Variants in CFAP54 observed in about 807,000 individuals in gnomAD.
CFAP54 encodes the protein cilia- and flagella-associated protein 54.
A neutral mutation model predicts 370.4 loss-of-function variants in CFAP54; 290 were observed. The ratio of observed to expected loss-of-function variants is 0.78; its 90% CI spans 0.71 to 0.86. The LOEUF (loss-of-function observed/expected upper bound fraction) is 0.86. Ranked by LOEUF, CFAP54 falls within the 40% of genes least tolerant of loss-of-function variation. The probability of loss-of-function intolerance (pLI) is 0.00; values close to 1 mark genes in which losing one functional copy is unlikely to be tolerated. For missense variants in CFAP54, 3,399 were observed against 3,528.7 expected, an observed-to-expected ratio of 0.96 and a Z score of 0.93; for synonymous variants, 1,206 against 1,236.5, an observed-to-expected ratio of 0.98 and a Z score of 0.52.
intron 63 of CFAP54, among the ~76,000 whole-genome samples, chr12:96,807,456 A>G (rs1958893587): frequency 6.6e-6 from 1 of 152,248 alleles, no homozygotes; most frequent in Admixed American, 6.5e-5. Flanking sequence ...TCTTTCACTT[A>G]TTCCTGGGCT....
At chr12:96,587,770 G>A (rs1956087771) in intron 22 of CFAP54, among the ~76,000 whole-genome samples, 1 of 152,078 alleles carries the variant, frequency 6.6e-6, no homozygotes. Flanking sequence ...TGCTTTCCAT[G>A]ATAAACCTTA....
intron 33 of CFAP54, among the ~76,000 whole-genome samples, chr12:96,644,830 G>T (rs771336691): frequency 8.5e-5 from 13 of 152,192 alleles, no homozygotes; most frequent in Non-Finnish European, 4.4e-5. Flanking sequence ...CCCTTGACAC[G>T]TGGGGATTAT....
chr12:96,688,804 T>C (rs1957356076), intron 42 of CFAP54, 112 bp from the exon 43 acceptor site: 1 of 556,396 alleles, frequency 1.8e-6, no homozygotes, highest in Admixed American at 3.6e-5. Context: ...TATTTATATG[T>C]ATGCATTTTT....
At chr12:96,617,645 C>T (rs1296538265) in intron 26 of CFAP54, among the ~76,000 whole-genome samples, 2 of 152,152 alleles carry the variant, frequency 1.3e-5, no homozygotes, top group Admixed American at 6.5e-5. Flanking sequence ...CACATTAATT[C>T]GTGTTGTGCT....
At position 96,688,359 on chromosome 12, in the gene CFAP54, C is replaced by T. The variant is rs144442847; in HGVS notation, c.6015-557C>T. Among the ~76,000 whole-genome samples the T allele has an allele frequency of 2.1e-3, 324 of 152,224 alleles. 1 individual carries two copies. The highest frequency in any genetic ancestry group is 7.2e-3 in the African/African-American group (298 of 41,522). On this transcript the variant is annotated intron_variant, in intron 42 of 67. Transcript: ENST00000524981. ...CAGTCTTTAGGGGGAATTATTTAAC[C>T]GCACTCATCAAAAGCCTTTACTGTG...
At chr12:96,593,504 C>T (rs1455865673) in intron 24 of CFAP54, among the ~76,000 whole-genome samples, 2 of 152,142 alleles carry the variant, frequency 1.3e-5, no homozygotes, top group East Asian at 3.8e-4. Flanking sequence ...GTACTCACAA[C>T]CATCTCAACC....
intron 50 of CFAP54, among the ~76,000 whole-genome samples, chr12:96,729,410 T>G (rs1327302451): frequency 2.6e-5 from 4 of 152,230 alleles, no homozygotes; most frequent in African/African-American, 7.2e-5. Flanking sequence ...CAGCCTCGCT[T>G]CTGCCTTGCA....
At chr12:96,865,813 T>C (rs1419733494) in intron 67 of CFAP54, among the ~76,000 whole-genome samples, 1 of 152,136 alleles carries the variant, frequency 6.6e-6, no homozygotes, top group Admixed American at 6.5e-5. Flanking sequence ...AGTTCACATC[T>C]GGTTTCATTA....
intron 17 of CFAP54, among the ~76,000 whole-genome samples, chr12:96,560,625 G>A (rs1432390976): frequency 3.3e-5 from 5 of 152,072 alleles, no homozygotes; most frequent in Non-Finnish European, 7.4e-5. Context: ...AGGTGATGCT[G>A]TTTATATTCC....
chr12:96,599,675 T>G (rs1433475295), intron 26 of CFAP54, among the ~76,000 whole-genome samples: 1 of 152,206 alleles, frequency 6.6e-6, no homozygotes, highest in African/African-American at 2.4e-5. Flanking sequence ...ATCTGCTGTT[T>G]CCTGACTTTT....
intron 63 of CFAP54, among the ~76,000 whole-genome samples, chr12:96,811,243 C>T (rs1340462918): frequency 1.3e-5 from 2 of 152,172 alleles, no homozygotes; most frequent in African/African-American, 2.4e-5. Context: ...AGGGAAATTA[C>T]TAGAGCATGA....
intron 1 of CFAP54, among the ~76,000 whole-genome samples, chr12:96,500,280 G>A (rs1955011763): frequency 6.6e-6 from 1 of 152,194 alleles, no homozygotes; most frequent in African/African-American, 2.4e-5. Flanking sequence ...AATATCAGTG[G>A]TTAACAGAGA....
chr12:96,754,590 A>T (rs543699296), intron 56 of CFAP54, among the ~76,000 whole-genome samples: 5 of 152,294 alleles, frequency 3.3e-5, no homozygotes, highest in African/African-American at 1.2e-4. Flanking sequence ...TCCAAAAGTC[A>T]ACAGCCACTA....
At chr12:96,599,123 A>AT (rs1956211808) in intron 26 of CFAP54, among the ~76,000 whole-genome samples, 2 of 152,068 alleles carry the variant, frequency 1.3e-5, no homozygotes, top group African/African-American at 4.8e-5. Context: ...CTCATCATTT[A>AT]CATTAGGTAT....
chr12:96,706,661 A>G (rs779482521), intron 47 of CFAP54, among the ~76,000 whole-genome samples: 9 of 152,148 alleles, frequency 5.9e-5, no homozygotes, highest in Non-Finnish European at 1.2e-4. Flanking sequence ...TTATGCCATA[A>G]AGGGATTACT....
At chr12:96,525,036 T>G (rs897702924) in intron 8 of CFAP54, among the ~76,000 whole-genome samples, 2 of 152,154 alleles carry the variant, frequency 1.3e-5, no homozygotes, top group South Asian at 4.1e-4. Flanking sequence ...CATAAACACT[T>G]TATTTCTCTT....
chr12:96,825,356 ATATTATATATTATGTAACATGTG>A (rs1959079790), intron 65 of CFAP54, among the ~76,000 whole-genome samples: 4 of 123,616 alleles, frequency 3.2e-5, no homozygotes, highest in Non-Finnish European at 6.3e-5. Flanking sequence ...GTAACATGTT[ATATTATATATTATGTAACATGTG>A]TTATATATTA....
chr12:96,755,729 G>A (rs1171795264), intron 56 of CFAP54, among the ~76,000 whole-genome samples: 1 of 148,060 alleles, frequency 6.8e-6, no homozygotes, highest in Non-Finnish European at 1.5e-5. Flanking sequence ...GTGCAGTGGT[G>A]TGATCTCGGC....
intron 50 of CFAP54, among the ~76,000 whole-genome samples, chr12:96,729,140 C>T (rs1592729851): frequency 6.6e-6 from 1 of 151,924 alleles, no homozygotes; most frequent in African/African-American, 2.4e-5. Flanking sequence ...CGGGGACCCA[C>T]TTGAGGAGGC....
Sources: gnomAD v4.1 joint callset for allele counts (sites outside exome capture counted in the v4.1 genomes callset) on GRCh38, gnomAD v4.1.1 for gene constraint, MANE v1.5 for transcripts, NCBI Gene and HGNC (gene_info 2026-07-23, HGNC 2026-07-21) for gene names.